The following ATP6V1C2 variants were observed in gnomAD, a reference collection of about 807,000 sequenced individuals.
ATP6V1C2 encodes the protein V-type proton ATPase subunit C 2.
Under a neutral mutation model 56.8 loss-of-function variants are expected in ATP6V1C2, and 45 were observed. The ratio of observed to expected loss-of-function variants is 0.79; its 90% CI spans 0.62 to 1.02. ATP6V1C2 has a LOEUF of 1.02. Ranked by LOEUF, ATP6V1C2 falls within the 50% of genes least tolerant of loss-of-function variation. The pLI is 0.00. For missense variants in ATP6V1C2, 463 were observed against 519.7 expected (o/e 0.89, Z 1.06); for synonymous variants, 220 against 201.3 (o/e 1.09, Z -0.79).
rs1437025245 is a variant in ATP6V1C2 at position 10,780,555 on chromosome 2, G to T, written c.1062-1688G>T. Among the ~76,000 whole-genome samples, 1 of 152,220 alleles carries T rather than the reference G, an allele frequency of 6.6e-6. No homozygotes were observed. Among genetic ancestry groups the T allele is most frequent in the Non-Finnish European group, 1.5e-5 (1 of 68,036 alleles). On this transcript the variant is annotated intron_variant, in intron 12 of 13. Transcript: ENST00000272238. The surrounding 1 kb of genome is among the most constrained non-coding windows in gnomAD (Gnocchi z 4.1). ...CCGACACGGATGGCAGCATTGGGTT[G>T]GAGGGTGTACCCAGCTCCTGGGAGT...
chr2:10,769,718 C>CA (rs1165909126), intron 6 of ATP6V1C2, among the ~76,000 whole-genome samples: 56 of 149,988 alleles, frequency 3.7e-4, no homozygotes, highest in East Asian at 2.6e-3. Context: ...AACAAACAAA[C>CA]AAAAAAAACA....
chr2:10,733,961 G>T (rs975063555), intron 3 of ATP6V1C2, among the ~76,000 whole-genome samples: 8 of 152,226 alleles, frequency 5.3e-5, no homozygotes, highest in Admixed American at 3.3e-4. Flanking sequence ...TCTGCTTAGT[G>T]ATACGTGTGA....
At chr2:10,734,270 C>T (rs916586808) in intron 3 of ATP6V1C2, among the ~76,000 whole-genome samples, 9 of 152,072 alleles carry the variant, frequency 5.9e-5, no homozygotes, top group Non-Finnish European at 1.3e-4. Context: ...CTTCCTCCTT[C>T]CCAGCTCCTG....
chr2:10,768,693 C>CT (rs1367871421), intron 5 of ATP6V1C2, 26 bp from the exon 6 acceptor site: 2 of 1,607,824 alleles, frequency 1.2e-6, no homozygotes, highest in Admixed American at 3.3e-5. Flanking sequence ...TCAGGGTCAC[C>CT]TGGAGCTTTT....
At chr2:10,759,116 G>A (rs753323744) in intron 4 of ATP6V1C2, among the ~76,000 whole-genome samples, 62 of 152,210 alleles carry the variant, frequency 4.1e-4, no homozygotes, top group Middle Eastern at 3.2e-3. Flanking sequence ...TCCTCCGGGG[G>A]CATTTAGGGC....
At chr2:10,746,122 C>T (rs1236785469) in intron 3 of ATP6V1C2, among the ~76,000 whole-genome samples, 1 of 152,114 alleles carries the variant, frequency 6.6e-6, no homozygotes, top group African/African-American at 2.4e-5. Flanking sequence ...GCCTCAGCCT[C>T]CCGAGTAGCT....
At chr2:10,733,277 G>A (rs975140214) in intron 3 of ATP6V1C2, among the ~76,000 whole-genome samples, 14 of 152,080 alleles carry the variant, frequency 9.2e-5, no homozygotes, top group African/African-American at 3.4e-4. Context: ...TAAAAGAGTG[G>A]GTTATATGTA....
In ATP6V1C2 at chr2:10,729,275, T is replaced by C. The variant is rs115592945; in HGVS notation, c.197+2706T>C. Among the ~76,000 whole-genome samples, 814 of 151,670 alleles carry C rather than the reference T, an allele frequency of 5.4e-3. 8 individuals carry two copies. Among genetic ancestry groups the C allele is most frequent in the African/African-American group, 0.019 (769 of 41,312 alleles). ...TGCCTCCCAAGTTGAAGCAATCTCC[T>C]GCCTCAACCTCCCGAGTAGCTGGGA... On this transcript the variant is annotated intron_variant, in intron 3 of 13. Transcript: ENST00000272238.
chr2:10,762,739 A>G (rs907338415), intron 4 of ATP6V1C2, among the ~76,000 whole-genome samples: 1 of 151,478 alleles, frequency 6.6e-6, no homozygotes, highest in Non-Finnish European at 1.5e-5. Context: ...CCCGGCTTAG[A>G]GCACTTCCCT....
intron 3 of ATP6V1C2, among the ~76,000 whole-genome samples, chr2:10,742,124 G>C (rs922781429): frequency 6.6e-6 from 1 of 152,164 alleles, no homozygotes. Context: ...TGTCCAGTCT[G>C]GTCTCCAACT....
At position 10,783,384 on chromosome 2, in the gene ATP6V1C2, A is replaced by C. The variant is rs1159620291; in HGVS notation, c.*121A>C. On this transcript the variant is annotated 3_prime_UTR_variant, in exon 14 of 14. Transcript: ENST00000272238. ...AAGATCTTTTTCAGAGAAATTGCTC[A>C]CAAAAGTTAGTGACAGTTGTATTTA... 1 of 607,786 alleles carries C rather than the reference A, an allele frequency of 1.6e-6. No individual in the cohort carries two copies. Among genetic ancestry groups the C allele is most frequent in the Non-Finnish European group, 2.8e-6 (1 of 358,138 alleles). 37.6% of individuals were successfully genotyped at this position (607,786 alleles called of 1,614,324 possible). A position where few individuals can be genotyped will look rare whatever the true frequency, so the allele number is the denominator to read the frequency against.
At chr2:10,724,514 C>T (rs1661532678) in intron 2 of ATP6V1C2, among the ~76,000 whole-genome samples, 1 of 152,122 alleles carries the variant, frequency 6.6e-6, no homozygotes, top group African/African-American at 2.4e-5. Flanking sequence ...ATTCTGCATC[C>T]ACTCATTGAT....
intron 3 of ATP6V1C2, among the ~76,000 whole-genome samples, chr2:10,742,688 A>T (rs1572529195): frequency 1.3e-5 from 2 of 152,116 alleles, no homozygotes. Flanking sequence ...GTTGGGATAG[A>T]AGCCCTTCAG....
chr2:10,757,018 T>TGC (rs1663596490), intron 4 of ATP6V1C2, among the ~76,000 whole-genome samples: 1 of 137,812 alleles, frequency 7.3e-6, no homozygotes, highest in Admixed American at 7.2e-5. Context: ...TTTTTTTTTT[T>TGC]TTTTTTTTTT....
At chr2:10,760,008 G>T (rs185157284) in intron 4 of ATP6V1C2, among the ~76,000 whole-genome samples, 1 of 146,062 alleles carries the variant, frequency 6.8e-6, no homozygotes, top group African/African-American at 2.5e-5. Context: ...GAAAAATAAA[G>T]ACAAGCAGTT....
intron 13 of ATP6V1C2, 95 bp from the exon 14 acceptor site, chr2:10,783,063 CTACGCAGAGCAGAACG>C: frequency 2.7e-6 from 2 of 746,182 alleles, no homozygotes; most frequent in Middle Eastern, 2.4e-4. Flanking sequence ...TGGACCACAG[CTACGCAGAGCAGAACG>C]TACGCTCAGT....
At chr2:10,757,880 C>T (rs149331624) in intron 4 of ATP6V1C2, among the ~76,000 whole-genome samples, 169 of 152,318 alleles carry the variant, frequency 1.1e-3, no homozygotes, top group Non-Finnish European at 1.7e-3. Context: ...TTCAGACATA[C>T]AAGGAGCCTC....
At chr2:10,733,978 T>G (rs1388234935) in intron 3 of ATP6V1C2, among the ~76,000 whole-genome samples, 2 of 152,192 alleles carry the variant, frequency 1.3e-5, no homozygotes, top group African/African-American at 4.8e-5. Flanking sequence ...GTGAGTCAGT[T>G]CTTGTAAGGG....
In ATP6V1C2 at chr2:10,745,041, C is replaced by CTTT. The variant is rs5829274; in HGVS notation, c.198-8924_198-8922dup. On this transcript the variant is annotated intron_variant, in intron 3 of 13. Transcript: ENST00000272238. Reference sequence around the variant, plus strand: ...TTATTACCATTTGTTTATTTATTTTCTTTTTTTTTTTTTTTTTTCTGAGAC... The same window carrying CTTT: ...TTATTACCATTTGTTTATTTATTTTCTTTTTTTTTTTTTTTTTTTTTCTGAGAC... 4.0e-4 allele frequency among the ~76,000 whole-genome samples: 45 copies of CTTT among 113,318 alleles called. 2 individuals are homozygous for CTTT. Among genetic ancestry groups the CTTT allele is most frequent in the African/African-American group, 8.8e-4 (26 of 29,554 alleles). The allele number at this position is 113,318 out of a possible 152,430, so 74.3% of individuals were successfully genotyped here.
Sources: allele counts gnomAD v4.1 joint callset (sites outside exome capture counted in the v4.1 genomes callset), GRCh38; gene constraint gnomAD v4.1.1; non-coding constraint Gnocchi (gnomAD v3.1); transcripts MANE v1.5; gene names NCBI Gene and HGNC (gene_info 2026-07-23, HGNC 2026-07-21).